Variants in MBTPS1 observed in about 807,000 individuals in gnomAD.
MBTPS1 encodes the protein membrane-bound transcription factor site-1 protease.
A neutral mutation model predicts 127.8 loss-of-function variants in MBTPS1; 94 were observed. The observed-to-expected ratio is 0.74, with a 90% CI of 0.62 to 0.87. The LOEUF is 0.87. MBTPS1 is among the 40% of genes least tolerant of loss of function. The pLI is 0.00. For missense variants in MBTPS1, 1,636 were observed against 1,353.2 expected, an observed-to-expected ratio of 1.21 and a Z score of -3.28; for synonymous variants, 632 against 509.4, an observed-to-expected ratio of 1.24 and a Z score of -3.24.
chr16:84,085,838 A>G (rs545440877), intron 9 of MBTPS1: 1 of 152,290 alleles, frequency 6.6e-6, no homozygotes, highest in Admixed American at 6.5e-5. Context: ...TGTTAGAAAA[A>G]TTAGAAAATT....
At chr16:84,085,579 C>CA (rs1296262251) in intron 9 of MBTPS1, among the ~76,000 whole-genome samples, 1 of 103,272 alleles carries the variant, frequency 9.7e-6, no homozygotes, top group African/African-American at 3.3e-5. Context: ...CCGCCCCCCC[C>CA]CCAAAAAAAA....
intron 1 of MBTPS1, among the ~76,000 whole-genome samples, chr16:84,106,687 C>T (rs576803080): frequency 2.0e-5 from 3 of 152,294 alleles, no homozygotes; most frequent in East Asian, 1.9e-4. Flanking sequence ...GTCCTGAGCA[C>T]GTGTGGCTTG....
At chr16:84,102,238 T>A (rs1293604192) in intron 1 of MBTPS1, 131 bp from the exon 2 acceptor site, 2 of 153,236 alleles carry the variant, frequency 1.3e-5, no homozygotes, top group Non-Finnish European at 2.9e-5. Context: ...GATCAGCTGC[T>A]TGGGAGGCTG....
chr16:84,059,847 T>C (rs1015176622), intron 20 of MBTPS1: 1 of 156,376 alleles, frequency 6.4e-6, no homozygotes, highest in Non-Finnish European at 1.4e-5. Context: ...ATTCTTTCTA[T>C]TTCTTAGATC....
chr16:84,093,812 A>C lies in MBTPS1; in HGVS notation c.635T>G (p.Val212Gly). The C allele has an allele frequency of 6.2e-7, 1 of 1,604,160 alleles. No homozygotes were observed. The highest frequency in any genetic ancestry group is 8.5e-7 in the Non-Finnish European group (1 of 1,170,890). ...CCCAGTGTCAAAAACAGCAACTCTT[A>C]CATTAGCACCTTATTCGGAAAAGAA... ...LWQMGYTGANVRVAVFDTGLS... is the reference protein window; with the variant it reads ...LWQMGYTGANGRVAVFDTGLS... Residue 212 changes from valine to glycine, a missense_variant, in exon 5 of 23, where the codon GTA becomes GGA. By Grantham distance (109) the Val-to-Gly change is moderately radical (BLOSUM62 -3). Transcript: ENST00000343411.
chr16:84,081,857 C>G lies in MBTPS1; in HGVS notation c.1338G>C (p.Leu446=), dbSNP rs1315795511. 3 of 1,519,072 alleles carry G rather than the reference C, an allele frequency of 2.0e-6. No homozygotes were observed. Among genetic ancestry groups the G allele is most frequent in the African/African-American group, 2.8e-5 (2 of 70,658 alleles). The allele number at this position is 1,519,072 out of a possible 1,614,324, so 94.1% of individuals were successfully genotyped here. A position where few individuals can be genotyped will look rare whatever the true frequency, so the allele number is the denominator to read the frequency against. ...LVNPASMKQA[L]IASARRLPGV... is the part of the protein sequence containing the mutation. Reference sequence around the variant, plus strand: ...CGGGGAGCCTCCGGGCTGACGCGATCAGGGCCTGCTTCATACTGGCGGGAT... The same window carrying G: ...CGGGGAGCCTCCGGGCTGACGCGATGAGGGCCTGCTTCATACTGGCGGGAT... Residue 446 remains leucine, a synonymous_variant, in exon 11 of 23, where the codon CTG becomes CTC. Transcript: ENST00000343411.
At chr16:84,115,759 G>T (rs905321498) in intron 1 of MBTPS1, among the ~76,000 whole-genome samples, 1 of 152,210 alleles carries the variant, frequency 6.6e-6, no homozygotes, top group Non-Finnish European at 1.5e-5. Context: ...CTGGGCATCA[G>T]AGGTCTTGGG....
intron 13 of MBTPS1, 142 bp from the exon 14 acceptor site, chr16:84,070,180 T>C (rs1451844028): frequency 8.4e-6 from 6 of 717,160 alleles, no homozygotes; most frequent in Non-Finnish European, 1.3e-5. Flanking sequence ...TGATGAAAGA[T>C]TCATGTATCA....
At chr16:84,107,721 T>C (rs1389118540) in intron 1 of MBTPS1, among the ~76,000 whole-genome samples, 1 of 151,290 alleles carries the variant, frequency 6.6e-6, no homozygotes, top group Admixed American at 6.6e-5. Flanking sequence ...TTTTTTTTTT[T>C]TGAGACAGGG....
At chr16:84,091,711 G>C in intron 7 of MBTPS1, 21 bp downstream of exon 7, 1 of 1,546,438 alleles carries the variant, frequency 6.5e-7, no homozygotes, top group Non-Finnish European at 8.9e-7. Flanking sequence ...CCCAAACCCC[G>C]TGTGCAGTGA....
rs200334995 is a variant in MBTPS1 at position 84,099,016 on chromosome 16, C to T, written c.421+37G>A. The T allele has an allele frequency of 5.5e-5, 80 of 1,461,914 alleles. No individual in the cohort carries two copies. In the African/African-American group the frequency reaches 1.9e-3, roughly 35 times the overall value. The allele number at this position is 1,461,914 out of a possible 1,614,324, so 90.6% of individuals were successfully genotyped here. A position where few individuals can be genotyped will look rare whatever the true frequency, so the allele number is the denominator to read the frequency against. ...TGCAGTTTGAGATTTTCAAAGTAAA[C>T]AGCAGAGAGAAATTTGCCTACAGTC... On this transcript the variant is annotated intron_variant, in intron 3 of 22. Transcript: ENST00000343411.
At chr16:84,099,462 G>C (rs908437559) in intron 2 of MBTPS1, 152 bp from the exon 3 acceptor site, 3 of 794,566 alleles carry the variant, frequency 3.8e-6, no homozygotes, top group East Asian at 5.3e-5. Flanking sequence ...TAAGTACCTA[G>C]ACAGCTGTCT....
rs560033173 is a variant in MBTPS1, at chr16:84,098,971, G to A, written c.421+82C>T. ...AGATGGAAGGATGCGGATACTCACT[G>A]TACTATTTTTCAACTACTCTGCAGT... On this transcript the variant is annotated intron_variant, in intron 3 of 22. Coordinates refer to ENST00000343411, the MANE Select transcript of MBTPS1 (RefSeq NM_003791.4). 76 of 1,298,022 alleles carry A rather than the reference G, an allele frequency of 5.9e-5. No homozygotes were observed. In the Middle Eastern group the frequency reaches 3.2e-3, roughly 55 times the overall value. The allele number at this position is 1,298,022 out of a possible 1,614,324, so 80.4% of individuals were successfully genotyped here. A position where few individuals can be genotyped will look rare whatever the true frequency, so the allele number is the denominator to read the frequency against.
intron 11 of MBTPS1, chr16:84,075,563 T>A (rs2085843556): frequency 6.6e-6 from 1 of 152,280 alleles, no homozygotes; most frequent in African/African-American, 2.4e-5. Context: ...ACGTGGATCC[T>A]GCTTCTCAAG....
intron 1 of MBTPS1, among the ~76,000 whole-genome samples, chr16:84,105,554 C>T (rs916821814): frequency 1.3e-5 from 2 of 152,046 alleles, no homozygotes; most frequent in East Asian, 3.9e-4. Context: ...GAGGGAGGAG[C>T]AGAGCATCCC....
chr16:84,110,481 C>T (rs1336913271), intron 1 of MBTPS1, among the ~76,000 whole-genome samples: 2 of 151,816 alleles, frequency 1.3e-5, no homozygotes, highest in Admixed American at 1.3e-4. Context: ...TAAAAAAAAA[C>T]AACCTTTTAG....
At chr16:84,061,412 G>C (rs1461614662) in intron 19 of MBTPS1, 2 of 152,412 alleles carry the variant, frequency 1.3e-5, no homozygotes, top group Non-Finnish European at 2.9e-5. Context: ...AGCTCCTCAT[G>C]GATGGGGGCA....
At chr16:84,068,304 A>G (rs745585744) in intron 15 of MBTPS1, 35 bp downstream of exon 15, 9 of 1,371,536 alleles carry the variant, frequency 6.6e-6, no homozygotes, top group South Asian at 3.5e-5. Flanking sequence ...AAGTGGGCGG[A>G]AAGACCATCT....
intron 9 of MBTPS1, 57 bp from the exon 10 acceptor site, chr16:84,085,191 C>G: frequency 1.3e-6 from 2 of 1,535,776 alleles, no homozygotes; most frequent in Non-Finnish European, 1.8e-6. Flanking sequence ...CAGCCGCATG[C>G]AATCATGAGT....
Sources: allele counts gnomAD v4.1 joint callset (sites outside exome capture counted in the v4.1 genomes callset), GRCh38; gene constraint gnomAD v4.1.1; transcripts MANE v1.5; gene names NCBI Gene and HGNC (gene_info 2026-07-23, HGNC 2026-07-21).